The following BIRC6 variants were observed in gnomAD, a reference collection of about 807,000 sequenced individuals.
BIRC6 encodes the protein baculoviral IAP repeat containing 6.
A neutral mutation model predicts 503.3 loss-of-function variants in BIRC6; 98 were observed. The observed-to-expected ratio is 0.19, with a 90% CI of 0.17 to 0.23. BIRC6 has a LOEUF of 0.23. Among genes scored for constraint, BIRC6 ranks in the 10% least tolerant of loss-of-function variants. The pLI is 1.00. For synonymous variants in BIRC6, 2,240 were observed against 2,078.7 expected, an observed-to-expected ratio of 1.08 and a Z score of -2.11; for missense variants, 5,360 against 5,806.0, an observed-to-expected ratio of 0.92 and a Z score of 2.50.
intron 4 of BIRC6, among the ~76,000 whole-genome samples, chr2:32,390,798 T>G (rs767216201): frequency 1.1e-4 from 17 of 152,254 alleles, no homozygotes; most frequent in Non-Finnish European, 1.8e-4. Flanking sequence ...TATTAATTTA[T>G]CTTTTGGTAA....
Position 32,505,084 on chromosome 2 carries a change from C to G in BIRC6, c.9579C>G (p.Arg3193=), listed in dbSNP as rs777594253. Residue 3193 remains arginine, a synonymous_variant, in exon 50 of 74, where the codon CGC becomes CGG. Coordinates refer to ENST00000421745, the MANE Select transcript of BIRC6 (RefSeq NM_016252.4). ...CCACACCTCCTCACAGAAGAGCTCG[C>G]TCTGCTGCTTGGTCCTACATCTTTC... ...LQATPPHRRA[R]SAAWSYIFLP... The G allele has an allele frequency of 6.2e-7, 1 of 1,613,130 alleles. No individual in the cohort carries two copies. Among genetic ancestry groups the G allele is most frequent in the Admixed American group, 1.7e-5 (1 of 59,938 alleles).
chr2:32,374,617 C>A (rs533244326), intron 1 of BIRC6, among the ~76,000 whole-genome samples: 2 of 151,784 alleles, frequency 1.3e-5, no homozygotes, highest in African/African-American at 4.8e-5. Context: ...GGACTACAGG[C>A]GCCCGCCACC....
intron 3 of BIRC6, among the ~76,000 whole-genome samples, chr2:32,385,196 C>G (rs1368112157): frequency 2.0e-5 from 3 of 152,216 alleles, no homozygotes; most frequent in African/African-American, 7.2e-5. Context: ...TCATGCAGAA[C>G]CATCTGTAAA....
chr2:32,367,555 C>T (rs1311496366), intron 1 of BIRC6, among the ~76,000 whole-genome samples: 1 of 152,092 alleles, frequency 6.6e-6, no homozygotes, highest in Admixed American at 6.6e-5. Context: ...GGCATGATGG[C>T]TGTCGCGTGT....
chr2:32,357,498 G>T lies in BIRC6; in HGVS notation c.325+12G>T. ...CTCCGCGCTCAGTGGTGAGTCTTCC[G>T]CACGCCGGGCGGGCGCGAAGCCGGG... On this transcript the variant is annotated intron_variant, in intron 1 of 73. Coordinates refer to ENST00000421745, the MANE Select transcript of BIRC6 (RefSeq NM_016252.4). This position sits in a 1 kb window ranked among gnomAD's most constrained non-coding sequence, Gnocchi z 4.9. 6.5e-7 allele frequency: 1 copy of T among 1,538,854 alleles called. No homozygotes were observed. Among genetic ancestry groups the T allele is most frequent in the South Asian group, 1.2e-5 (1 of 82,750 alleles).
intron 10 of BIRC6, among the ~76,000 whole-genome samples, chr2:32,424,497 A>G (rs2043263634): frequency 6.6e-6 from 1 of 150,560 alleles, no homozygotes; most frequent in African/African-American, 2.4e-5. Flanking sequence ...GTTGGGTCAC[A>G]TGGTAATTCT....
In BIRC6 at chr2:32,611,351, T is replaced by A. The variant is rs1572401860; in HGVS notation, c.14260-97T>A. On this transcript the variant is annotated intron_variant, in intron 72 of 73. Transcript: ENST00000421745. ...ATTTATAGAATAAATTATTTAAATGTATTTATAATACATTTTACTTCTTTG... is the reference window on the plus strand; with the variant it reads ...ATTTATAGAATAAATTATTTAAATGAATTTATAATACATTTTACTTCTTTG... The A allele has an allele frequency of 4.0e-6, 3 of 750,582 alleles. No individual in the cohort carries two copies. In the East Asian group the frequency reaches 1.1e-4, roughly 27 times the overall value. The allele number at this position is 750,582 out of a possible 1,614,324, so 46.5% of individuals were successfully genotyped here.
chr2:32,611,388 A>T, intron 72 of BIRC6, 60 bp from the exon 73 acceptor site: 1 of 1,437,364 alleles, frequency 7.0e-7, no homozygotes, highest in Non-Finnish European at 9.4e-7. Flanking sequence ...AATGTCATTT[A>T]CTGTGTCTTT....
At chr2:32,575,764 CAA>C (rs1326948239) in intron 66 of BIRC6, among the ~76,000 whole-genome samples, 10 of 116,374 alleles carry the variant, frequency 8.6e-5, no homozygotes, top group Admixed American at 2.7e-4. Flanking sequence ...GACTCCGTCT[CAA>C]AAAAAAAAAA....
chr2:32,373,880 A>G (rs1387321297), intron 1 of BIRC6, among the ~76,000 whole-genome samples: 1 of 152,228 alleles, frequency 6.6e-6, no homozygotes, highest in East Asian at 1.9e-4. Flanking sequence ...AAAGGAAGGA[A>G]ATTCTGACAT....
At position 32,446,487 on chromosome 2, in the gene BIRC6, T is replaced by A. The variant is rs141566053; in HGVS notation, c.4484+819T>A. The stretch of plus-strand genomic sequence containing the variant: ...TTATAATTTCCTAGGTTAGATGTTC[T>A]GATTTTGATGACATTTTACTCAAAG... On this transcript the variant is annotated intron_variant, in intron 21 of 73. Transcript: ENST00000421745. Among the ~76,000 whole-genome samples, 831 of 152,326 alleles carry A rather than the reference T, an allele frequency of 5.5e-3. 11 individuals are homozygous for A. The highest frequency in any genetic ancestry group is 0.019 in the African/African-American group (784 of 41,568).
chr2:32,448,889 G>A lies in BIRC6; in HGVS notation c.4579G>A (p.Val1527Ile), dbSNP rs1199080534. 3.1e-6 allele frequency: 5 copies of A among 1,613,434 alleles called. No homozygotes were observed. The highest frequency in any genetic ancestry group is 4.2e-6 in the Non-Finnish European group (5 of 1,179,624). Reference protein sequence around the residue: ...CKNVYNSSIGVQSDEIDLSDV... With the variant: ...CKNVYNSSIGIQSDEIDLSDV... ...AAATGTTTATAACAGCAGCATTGGT[G>A]TCCAGTCAGATGAAATTGATTTATC... The change falls in exon 22 of 74, where the codon GTC becomes ATC. Residue 1527 changes from valine to isoleucine, a missense_variant. Around this residue, in one of 16 missense-constraint regions of BIRC6, gnomAD observed 2,299 missense variants for 2,267.2 expected, o/e 1.01. Transcript: ENST00000421745.
intron 23 of BIRC6, among the ~76,000 whole-genome samples, chr2:32,459,172 C>T (rs1475562455): frequency 6.6e-6 from 1 of 152,124 alleles, no homozygotes; most frequent in African/African-American, 2.4e-5. Flanking sequence ...CAGGAAGAAA[C>T]TCTTCATCCA....
chr2:32,544,294 G>A (rs111475611), intron 62 of BIRC6, among the ~76,000 whole-genome samples: 2 of 152,010 alleles, frequency 1.3e-5, no homozygotes, highest in African/African-American at 4.8e-5. Flanking sequence ...GCAATACTTA[G>A]ATTAAAGAGA....
At chr2:32,359,834 G>A (rs2033764865) in intron 1 of BIRC6, among the ~76,000 whole-genome samples, 1 of 152,094 alleles carries the variant, frequency 6.6e-6, no homozygotes, top group Non-Finnish European at 1.5e-5. Context: ...CTCCCAAAGT[G>A]CTGGTATTAC....
At chr2:32,476,371 TATCTC>T in intron 34 of BIRC6, 27 bp downstream of exon 34, 2 of 1,543,884 alleles carry the variant, frequency 1.3e-6, no homozygotes, top group East Asian at 4.8e-5. Context: ...TCAATATAGT[TATCTC>T]AGAAAAGTCA....
intron 10 of BIRC6, among the ~76,000 whole-genome samples, chr2:32,426,286 C>T (rs571113124): frequency 2.0e-5 from 3 of 152,320 alleles, no homozygotes; most frequent in South Asian, 4.1e-4. Context: ...CCACCCCATA[C>T]ATTACATTTA....
chr2:32,360,112 C>A (rs2033813195), intron 1 of BIRC6, among the ~76,000 whole-genome samples: 1 of 152,128 alleles, frequency 6.6e-6, no homozygotes, highest in Admixed American at 6.6e-5. Context: ...GGGCCACTTT[C>A]TTTTCTACCA....
At chr2:32,431,260 A>G (rs1215713726) in intron 12 of BIRC6, among the ~76,000 whole-genome samples, 170 bp downstream of exon 12, 6 of 118,650 alleles carry the variant, frequency 5.1e-5, no homozygotes, top group African/African-American at 2.0e-4. Context: ...CAGTGGCGCA[A>G]TCTCGGCTCA....
Sources: gnomAD v4.1 joint callset for allele counts (sites outside exome capture counted in the v4.1 genomes callset) on GRCh38, gnomAD v4.1.1 for gene constraint, gnomAD v4.1.1 regional missense constraint, Gnocchi (gnomAD v3.1) non-coding constraint, MANE v1.5 for transcripts, NCBI Gene and HGNC (gene_info 2026-07-23, HGNC 2026-07-21) for gene names.